The following CDH13 variants were observed in gnomAD, a reference collection of about 807,000 sequenced individuals.
CDH13 encodes the protein cadherin-13.
A neutral mutation model predicts 63.8 loss-of-function variants in CDH13; 24 were observed. The observed-to-expected ratio is 0.38, with a 90% CI of 0.27 to 0.53. CDH13 has a LOEUF of 0.53. Among genes scored for constraint, CDH13 ranks in the 20% least tolerant of loss-of-function variants. The pLI is 0.85. For synonymous variants in CDH13, 503 were observed against 355.3 expected (o/e 1.42, Z -4.67); for missense variants, 1,049 against 903.1 (o/e 1.16, Z -2.07).
intron 13 of CDH13, among the ~76,000 whole-genome samples, chr16:83,792,882 G>GTAATCATTGTAAAAATGAAACC (rs965632419): frequency 2.6e-5 from 4 of 152,310 alleles, no homozygotes; most frequent in Non-Finnish European, 5.9e-5. Context: ...GGGTATAAGT[G>GTAATCATTGTAAAAATGAAACC]TAATCATTGT....
At chr16:82,686,763 G>C (rs1400814482) in intron 1 of CDH13, among the ~76,000 whole-genome samples, 1 of 152,142 alleles carries the variant, frequency 6.6e-6, no homozygotes, top group Admixed American at 6.5e-5. Context: ...ATCAAGAAGA[G>C]CCTTTATAAA....
chr16:83,773,450 C>T (rs1377538479), intron 11 of CDH13, among the ~76,000 whole-genome samples: 2 of 152,168 alleles, frequency 1.3e-5, no homozygotes, highest in African/African-American at 4.8e-5. Context: ...ACCTTCTTCA[C>T]ATGGTGTCAG....
At chr16:83,089,685 G>A (rs567889928) in intron 3 of CDH13, among the ~76,000 whole-genome samples, 7 of 151,864 alleles carry the variant, frequency 4.6e-5, no homozygotes, top group East Asian at 1.9e-4. Context: ...TAATGAATTC[G>A]AGTCTGAATG....
chr16:83,656,598 A>T (rs545683389), intron 8 of CDH13, among the ~76,000 whole-genome samples: 30 of 152,204 alleles, frequency 2.0e-4, no homozygotes, highest in African/African-American at 6.8e-4. Context: ...GAAAAAGTCA[A>T]CCAGATCCAG....
intron 11 of CDH13, among the ~76,000 whole-genome samples, chr16:83,756,491 G>A (rs1567575183): frequency 6.6e-6 from 1 of 152,202 alleles, no homozygotes; most frequent in Non-Finnish European, 1.5e-5. Flanking sequence ...GGCCCAGAAT[G>A]GCTTTGAATG....
intron 8 of CDH13, among the ~76,000 whole-genome samples, chr16:83,668,196 C>G (rs972763925): frequency 1.3e-5 from 2 of 152,160 alleles, no homozygotes; most frequent in Non-Finnish European, 2.9e-5. Context: ...TTCCCTCAGG[C>G]CTCACCTCTG....
chr16:83,682,195 G>A (rs1286852000), intron 10 of CDH13, among the ~76,000 whole-genome samples: 1 of 152,204 alleles, frequency 6.6e-6, no homozygotes, highest in African/African-American at 2.4e-5. Context: ...CAGAATAGCA[G>A]TATCCTCTGA....
chr16:83,725,526 T>G (rs1205492507), intron 10 of CDH13: 2 of 152,416 alleles, frequency 1.3e-5, no homozygotes, highest in African/African-American at 4.8e-5. Context: ...GTATGATGTG[T>G]CCTGGTCACG....
intron 2 of CDH13, among the ~76,000 whole-genome samples, chr16:82,879,088 G>A (rs575644836): frequency 6.6e-6 from 1 of 152,178 alleles, no homozygotes; most frequent in South Asian, 2.1e-4. Flanking sequence ...ATTCTGGTGG[G>A]ATAAGCAAGC....
intron 3 of CDH13, among the ~76,000 whole-genome samples, chr16:83,109,801 G>A (rs2034971264): frequency 6.6e-6 from 1 of 152,222 alleles, no homozygotes; most frequent in Admixed American, 6.5e-5. Context: ...GAGGGAAACT[G>A]TATCCATTAT....
intron 1 of CDH13, among the ~76,000 whole-genome samples, chr16:82,845,197 A>G (rs2039207330): frequency 6.6e-6 from 1 of 152,202 alleles, no homozygotes; most frequent in Non-Finnish European, 1.5e-5. Flanking sequence ...GGGCCAGTGC[A>G]CAGGGACCTC....
chr16:83,416,230 T>A (rs1367957920), intron 6 of CDH13, among the ~76,000 whole-genome samples: 3 of 152,108 alleles, frequency 2.0e-5, no homozygotes, highest in African/African-American at 7.2e-5. Flanking sequence ...TACAAAACAT[T>A]GACGAAGGGA....
chr16:83,454,479 A>G (rs907934079), intron 6 of CDH13, among the ~76,000 whole-genome samples: 3 of 152,022 alleles, frequency 2.0e-5, no homozygotes, highest in African/African-American at 7.3e-5. Flanking sequence ...CTTGCTTCCT[A>G]TTGCATTATA....
Position 83,484,842 on chromosome 16 carries a change from G to A in CDH13, c.782-1635G>A, listed in dbSNP as rs75616484. 1.0e-2 allele frequency among the ~76,000 whole-genome samples: 1,522 copies of A among 152,262 alleles called. 17 individuals are homozygous for A. Among genetic ancestry groups the A allele is most frequent in the Non-Finnish European group, 0.015 (1,044 of 68,014 alleles). On this transcript the variant is annotated intron_variant, in intron 6 of 13. Transcript: ENST00000567109. ...CCCTGTGGGTAAGGAAAGTTAAAAC[G>A]TGCCACATTTCACATCAGTTTCTGT...
At chr16:83,188,087 A>G (rs2038581793) in intron 4 of CDH13, among the ~76,000 whole-genome samples, 1 of 152,214 alleles carries the variant, frequency 6.6e-6, no homozygotes, top group Non-Finnish European at 1.5e-5. Context: ...ACCAGATCAC[A>G]GAAGGTCTTG....
chr16:83,707,576 T>G (rs1331003617), intron 10 of CDH13, among the ~76,000 whole-genome samples: 4 of 152,100 alleles, frequency 2.6e-5, no homozygotes, highest in Non-Finnish European at 4.4e-5. Flanking sequence ...ATTGAAATGT[T>G]TAAAATAATT....
intron 8 of CDH13, among the ~76,000 whole-genome samples, chr16:83,664,113 T>A (rs1913707632): frequency 6.6e-6 from 1 of 151,926 alleles, no homozygotes; most frequent in East Asian, 1.9e-4. Flanking sequence ...GCCGTGATCA[T>A]AACACTGCAT....
intron 2 of CDH13, among the ~76,000 whole-genome samples, chr16:83,009,897 G>A (rs985030318): frequency 8.5e-5 from 13 of 152,070 alleles, no homozygotes; most frequent in Admixed American, 2.6e-4. Context: ...ACTTTGGGAG[G>A]CCAAGGCAGG....
chr16:82,853,200 C>G (rs1046113115), intron 1 of CDH13, among the ~76,000 whole-genome samples: 1 of 152,168 alleles, frequency 6.6e-6, no homozygotes, highest in South Asian at 2.1e-4. Flanking sequence ...CACTGATGTT[C>G]TGATGGTGCA....
Sources: allele counts gnomAD v4.1 joint callset (sites outside exome capture counted in the v4.1 genomes callset), GRCh38; gene constraint gnomAD v4.1.1; transcripts MANE v1.5; gene names NCBI Gene and HGNC (gene_info 2026-07-23, HGNC 2026-07-21).